Variants in TNC observed in about 807,000 individuals in gnomAD.
TNC encodes tenascin C.
Under a neutral mutation model 202.4 loss-of-function variants are expected in TNC, and 109 were observed. That is an observed-to-expected ratio of 0.54 (90% CI 0.46 to 0.63). The LOEUF (loss-of-function observed/expected upper bound fraction) is 0.63, where lower values mean the gene tolerates loss of function less well. Among genes scored for constraint, TNC ranks in the 30% least tolerant of loss-of-function variants. TNC has a pLI of 0.00. For synonymous variants in TNC, 1,007 were observed against 1,089.7 expected (o/e 0.92, Z 1.50); for missense variants, 2,756 against 2,833.3 (o/e 0.97, Z 0.62).
chr9:115,020,478 C>T lies in TNC; in HGVS notation c.*679G>A, dbSNP rs1225232779. ...CTATCCCAACATTCCCCGCTTTGTTCAAATGATTGGCTTTGGTGAAATTCA... is the reference window on the plus strand; with the variant it reads ...CTATCCCAACATTCCCCGCTTTGTTTAAATGATTGGCTTTGGTGAAATTCA... On this transcript the variant is annotated 3_prime_UTR_variant, in exon 28 of 28. Coordinates refer to ENST00000350763, the MANE Select transcript of TNC (RefSeq NM_002160.4). The T allele has an allele frequency of 5.0e-6, 1 of 198,864 alleles. No individual in the cohort carries two copies. The highest frequency in any genetic ancestry group is 1.0e-5 in the Non-Finnish European group (1 of 97,020). 12.3% of individuals were successfully genotyped at this position (198,864 alleles called of 1,614,324 possible).
intron 24 of TNC, 137 bp downstream of exon 24, chr9:115,030,117 C>A (rs565235714): frequency 1.2e-6 from 1 of 851,706 alleles, no homozygotes; most frequent in East Asian, 2.6e-5. Flanking sequence ...CTCTGTGTGA[C>A]AGGCACTATC....
In TNC at chr9:115,095,502, G is replaced by A. The variant is rs9657668; in HGVS notation, c.-136-4348C>T. On this transcript the variant is annotated intron_variant, in intron 1 of 27. Transcript: ENST00000350763. The stretch of plus-strand genomic sequence containing the variant: ...TATGTATATATATATGTATATATAT[G>A]TATATATATATGTATATATATGTAT... Among the ~76,000 whole-genome samples, 102 of 30,692 alleles carry A rather than the reference G, an allele frequency of 3.3e-3. 3 individuals are homozygous for A. Among genetic ancestry groups the A allele is most frequent in the African/African-American group, 0.011 (51 of 4,640 alleles). 20.1% of individuals were successfully genotyped at this position (30,692 alleles called of 152,430 possible).
At chr9:115,051,705 G>T (rs1831684045) in intron 15 of TNC, among the ~76,000 whole-genome samples, 1 of 151,774 alleles carries the variant, frequency 6.6e-6, no homozygotes, top group South Asian at 2.1e-4. Context: ...TCACATATAT[G>T]AACTGCGTTA....
rs770495120 is a variant in TNC at position 115,073,691 on chromosome 9, G to A, written c.3126C>T (p.Gly1042=). The A allele has an allele frequency of 1.2e-6, 2 of 1,614,034 alleles. No individual in the cohort carries two copies. Among genetic ancestry groups the A allele is most frequent in the African/African-American group, 1.3e-5 (1 of 74,924 alleles). The change falls in exon 10 of 28, where the codon GGC becomes GGT. Residue 1042 remains glycine, a synonymous_variant. Coordinates refer to ENST00000350763, the MANE Select transcript of TNC (RefSeq NM_002160.4). ...CATTGTACTCCTGTCCTGGTTCCAGGCCTCTCAGGACATAGGAAGTGGTGT... is the reference window on the plus strand; with the variant it reads ...CATTGTACTCCTGTCCTGGTTCCAGACCTCTCAGGACATAGGAAGTGGTGT... ...PRNTTSYVLR[G]LEPGQEYNVL... is the part of the protein sequence containing the mutation.
Position 115,036,241 on chromosome 9 carries a change from A to C in TNC, c.5513T>G (p.Val1838Gly). Residue 1838 changes from valine (V) to glycine (G), a missense_variant and splice_region_variant, in exon 21 of 28, where the codon GTG becomes GGG. Physicochemically the swap from Val to Gly is moderately radical, Grantham distance 109. Transcript: ENST00000350763. The stretch of plus-strand genomic sequence containing the variant: ...GGACACCGTGCGTGTAATTTCTGGC[A>C]CTAAACATGAAATACACATACCAAG... ...SYVISYTGEK[V>G]PEITRTVSGN... 3 of 1,614,108 alleles carry C rather than the reference A, an allele frequency of 1.9e-6. No homozygotes were observed. Among genetic ancestry groups the C allele is most frequent in the Middle Eastern group, 1.7e-4 (1 of 6,058 alleles).
At chr9:115,067,280 A>C (rs1035384044) in intron 10 of TNC, among the ~76,000 whole-genome samples, 1 of 152,256 alleles carries the variant, frequency 6.6e-6, no homozygotes, top group Non-Finnish European at 1.5e-5. Context: ...GGACAAAAAC[A>C]GAGCTAAGTG....
chr9:115,028,454 G>T (rs1449968220), intron 25 of TNC, among the ~76,000 whole-genome samples: 1 of 152,126 alleles, frequency 6.6e-6, no homozygotes, highest in Non-Finnish European at 1.5e-5. Flanking sequence ...ACAACCTGGG[G>T]CACAGGAGGG....
Position 115,064,046 on chromosome 9 carries a change from C to T in TNC, c.3510G>A (p.Glu1170=). 6.2e-7 allele frequency: 1 copy of T among 1,609,578 alleles called. No homozygotes were observed. ...CCCAGCCCACCTCGGCCACCACGAC[C>T]TCTCCCAAATTGGGAGTTTCCCCTG... The part of the protein sequence containing the change: ...ASTGETPNLG[E]VVVAEVGWDA... The change falls in exon 12 of 28, where the codon GAG becomes GAA. Residue 1170 remains glutamate (E), a synonymous_variant. Transcript: ENST00000350763.
At chr9:115,031,426 GT>G (rs1829937723) in intron 23 of TNC, 126 bp downstream of exon 23, 1 of 1,088,004 alleles carries the variant, frequency 9.2e-7, no homozygotes, top group Non-Finnish European at 1.2e-6. Context: ...CTTCCAAGTA[GT>G]AGCAGTGAAT....
chr9:115,052,911 T>C (rs957245581), intron 15 of TNC: 1 of 702,770 alleles, frequency 1.4e-6, no homozygotes, highest in Non-Finnish European at 2.6e-6. Flanking sequence ...TCACTCACAT[T>C]GATAACAATC....
chr9:115,022,607 A>T (rs1046217534), intron 27 of TNC, among the ~76,000 whole-genome samples: 9 of 152,008 alleles, frequency 5.9e-5, no homozygotes, highest in Non-Finnish European at 1.0e-4. Flanking sequence ...ACTTTGTATT[A>T]TACGAGTATT....
chr9:115,096,029 A>G (rs970722693), intron 1 of TNC, among the ~76,000 whole-genome samples: 1 of 152,102 alleles, frequency 6.6e-6, no homozygotes, highest in African/African-American at 2.4e-5. Flanking sequence ...GCCTCAGCTT[A>G]TGTATCTAAC....
chr9:115,104,145 A>G (rs1273108), intron 1 of TNC, among the ~76,000 whole-genome samples: 68,134 of 152,136 alleles, frequency 0.45, 15,516 homozygotes, highest in Admixed American at 0.52. Context: ...CTGGAAAATT[A>G]TTTCAAAAAT....
At chr9:115,055,522 C>G (rs1832048477) in intron 15 of TNC, 1 of 152,282 alleles carries the variant, frequency 6.6e-6, no homozygotes, top group Non-Finnish European at 1.5e-5. Context: ...GCCCGCCAAT[C>G]AGCCCATGAA....
At chr9:115,042,697 C>T (rs1830855853) in intron 17 of TNC, among the ~76,000 whole-genome samples, 1 of 152,058 alleles carries the variant, frequency 6.6e-6, no homozygotes, top group Admixed American at 6.6e-5. Context: ...TTTCTAGTTC[C>T]TTTTATTAAA....
chr9:115,056,574 A>T (rs565247693), intron 15 of TNC, among the ~76,000 whole-genome samples: 1 of 152,166 alleles, frequency 6.6e-6, no homozygotes, highest in Non-Finnish European at 1.5e-5. Context: ...GCATGTTCTG[A>T]TCTTCTAGAG....
intron 17 of TNC, among the ~76,000 whole-genome samples, chr9:115,044,283 GA>G (rs1831005502): frequency 6.6e-6 from 1 of 151,308 alleles, no homozygotes; most frequent in South Asian, 2.1e-4. Flanking sequence ...AACAAAAGGG[GA>G]AATTTATAAA....
chr9:115,113,273 G>T (rs1202310528), intron 1 of TNC, among the ~76,000 whole-genome samples: 2 of 152,158 alleles, frequency 1.3e-5, no homozygotes, highest in Admixed American at 6.5e-5. Flanking sequence ...GTTATAACTA[G>T]CCTCTCAGGA....
intron 24 of TNC, 33 bp downstream of exon 24, chr9:115,030,221 C>A (rs745801826): frequency 6.3e-7 from 1 of 1,580,808 alleles, no homozygotes; most frequent in Non-Finnish European, 8.7e-7. Flanking sequence ...TTCCCCTAGG[C>A]CTGAGGGCTC....
Sources: gnomAD v4.1 joint callset for allele counts (sites outside exome capture counted in the v4.1 genomes callset) on GRCh38, gnomAD v4.1.1 for gene constraint, MANE v1.5 for transcripts, NCBI Gene and HGNC (gene_info 2026-07-23, HGNC 2026-07-21) for gene names.